Variants in ADAMTS3 observed in about 807,000 individuals in gnomAD.
ADAMTS3 encodes ADAM metallopeptidase with thrombospondin type 1 motif 3.
A neutral mutation model predicts 129.0 loss-of-function variants in ADAMTS3; 73 were observed. The ratio of observed to expected loss-of-function variants is 0.57; its 90% confidence interval spans 0.47 to 0.69. The LOEUF is 0.69. Among genes scored for constraint, ADAMTS3 ranks in the 30% least tolerant of loss-of-function variants. ADAMTS3 has a pLI of 0.00. For missense variants in ADAMTS3, 1,457 were observed against 1,514.5 expected (o/e 0.96, Z 0.63); for synonymous variants, 477 against 510.8 (o/e 0.93, Z 0.89).
chr4:72,546,050 T>G lies in ADAMTS3; in HGVS notation c.504+2428A>C, dbSNP rs1578783276. Among the ~76,000 whole-genome samples the G allele has an allele frequency of 2.0e-5, 3 of 152,310 alleles. 1 individual carries two copies. In the East Asian group the frequency reaches 5.8e-4, roughly 29 times the overall value. On this transcript the variant is annotated intron_variant, in intron 3 of 21. Coordinates refer to ENST00000286657, the MANE Select transcript of ADAMTS3 (RefSeq NM_014243.3). ...CTAAAATAGGCATGGCAAGAATATG[T>G]TTTTGAAGGGATCAAATCACAGAGC...
intron 3 of ADAMTS3, among the ~76,000 whole-genome samples, chr4:72,528,193 C>G (rs1720863807): frequency 6.7e-6 from 1 of 149,650 alleles, no homozygotes; most frequent in Non-Finnish European, 1.5e-5. Flanking sequence ...TTTATGATCT[C>G]TCTTTTTTTA....
chr4:72,295,546 AT>A (rs1482258907), intron 19 of ADAMTS3, 107 bp downstream of exon 19: 8 of 1,153,014 alleles, frequency 6.9e-6, no homozygotes, highest in African/African-American at 1.5e-5. Flanking sequence ...TATTTAAACC[AT>A]GTCTATATAG....
chr4:72,456,438 A>C (rs1718622277), intron 3 of ADAMTS3, among the ~76,000 whole-genome samples: 1 of 143,608 alleles, frequency 7.0e-6, no homozygotes, highest in Non-Finnish European at 1.5e-5. Flanking sequence ...ATATAGTTCT[A>C]TTCACTTCTC....
chr4:72,409,536 C>T (rs965757098), intron 4 of ADAMTS3, among the ~76,000 whole-genome samples: 5 of 149,874 alleles, frequency 3.3e-5, no homozygotes, highest in African/African-American at 9.8e-5. Flanking sequence ...ACACATTTTG[C>T]GTCTTTTCAT....
intron 4 of ADAMTS3, among the ~76,000 whole-genome samples, chr4:72,413,238 C>T (rs1050766179): frequency 1.3e-5 from 2 of 151,942 alleles, no homozygotes; most frequent in Non-Finnish European, 2.9e-5. Context: ...AGGACAGACA[C>T]AGTAACTGAT....
At chr4:72,460,413 G>A (rs1718734907) in intron 3 of ADAMTS3, among the ~76,000 whole-genome samples, 1 of 151,184 alleles carries the variant, frequency 6.6e-6, no homozygotes, top group Non-Finnish European at 1.5e-5. Context: ...AAAATAAAAG[G>A]GCTTCGGGAA....
intron 3 of ADAMTS3, among the ~76,000 whole-genome samples, chr4:72,514,012 T>C (rs1003584094): frequency 1.3e-5 from 2 of 152,172 alleles, no homozygotes; most frequent in African/African-American, 4.8e-5. Context: ...CTTCCTTGAC[T>C]TCTAAGATGA....
At chr4:72,503,118 G>A (rs1169974947) in intron 3 of ADAMTS3, among the ~76,000 whole-genome samples, 1 of 152,028 alleles carries the variant, frequency 6.6e-6, no homozygotes, top group Non-Finnish European at 1.5e-5. Context: ...TTCCCTCCCA[G>A]GTTCAAGCGA....
At chr4:72,419,900 ATGT>A (rs1722401103) in intron 3 of ADAMTS3, among the ~76,000 whole-genome samples, 1 of 152,170 alleles carries the variant, frequency 6.6e-6, no homozygotes, top group African/African-American at 2.4e-5. Flanking sequence ...ATAAAAAAGA[ATGT>A]TGATCGGATG....
chr4:72,326,096 G>A (rs1240106824), intron 5 of ADAMTS3, among the ~76,000 whole-genome samples: 2 of 152,058 alleles, frequency 1.3e-5, no homozygotes, highest in Admixed American at 1.3e-4. Context: ...TTAGAAAACA[G>A]GGTGACCCAG....
intron 19 of ADAMTS3, among the ~76,000 whole-genome samples, chr4:72,294,661 C>T (rs934191168): frequency 1.3e-5 from 2 of 151,988 alleles, no homozygotes; most frequent in South Asian, 4.1e-4. Flanking sequence ...ACTGGGATTT[C>T]AGGACACTAG....
At chr4:72,394,948 G>A (rs1047704085) in intron 4 of ADAMTS3, among the ~76,000 whole-genome samples, 1 of 148,694 alleles carries the variant, frequency 6.7e-6, no homozygotes, top group African/African-American at 2.5e-5. Flanking sequence ...TTTTGGAGAT[G>A]GAGTTTCACT....
At chr4:72,313,223 T>C (rs1342421200) in intron 12 of ADAMTS3, among the ~76,000 whole-genome samples, 3 of 152,196 alleles carry the variant, frequency 2.0e-5, no homozygotes, top group Non-Finnish European at 2.9e-5. Context: ...AATAGATAAC[T>C]TTCCCCCAAC....
intron 4 of ADAMTS3, among the ~76,000 whole-genome samples, chr4:72,383,932 A>G (rs933249738): frequency 1.4e-4 from 22 of 152,228 alleles, no homozygotes; most frequent in African/African-American, 4.8e-4. Flanking sequence ...AAATATACTT[A>G]TAACGAATGA....
In ADAMTS3 at chr4:72,529,595, T is replaced by C. The variant is rs572608265; in HGVS notation, c.504+18883A>G. ...TATATACACATATATCAAGATGCTGTACAGGTTTGCAGCCTGGCAGCAATA... is the reference window on the plus strand; with the variant it reads ...TATATACACATATATCAAGATGCTGCACAGGTTTGCAGCCTGGCAGCAATA... On this transcript the variant is annotated intron_variant, in intron 3 of 21. Transcript: ENST00000286657. 4.9e-5 allele frequency among the ~76,000 whole-genome samples: 7 copies of C among 143,068 alleles called. No individual in the cohort carries two copies. In the South Asian group the frequency reaches 8.4e-4, roughly 17 times the overall value. The allele number at this position is 143,068 out of a possible 152,430, so 93.9% of individuals were successfully genotyped here.
intron 3 of ADAMTS3, among the ~76,000 whole-genome samples, chr4:72,544,030 C>G (rs1303173947): frequency 6.6e-6 from 1 of 152,086 alleles, no homozygotes; most frequent in African/African-American, 2.4e-5. Flanking sequence ...TTATATATTA[C>G]TGTTTCTTCA....
At chr4:72,392,810 T>C (rs1454686453) in intron 4 of ADAMTS3, among the ~76,000 whole-genome samples, 1 of 152,130 alleles carries the variant, frequency 6.6e-6, no homozygotes, top group East Asian at 1.9e-4. Context: ...TCAAAGATAA[T>C]TGGAAATAGC....
Position 72,559,842 on chromosome 4 carries a change from AT to A in ADAMTS3, c.97+7531del, listed in dbSNP as rs536525405. On this transcript the variant is annotated intron_variant, in intron 2 of 21. Transcript: ENST00000286657. The stretch of plus-strand genomic sequence containing the variant: ...TTATTCACAGAATTTTTAAAAAACT[AT>A]TTTAAAATTCATATGGAACCAAAAA... 2.0e-4 allele frequency among the ~76,000 whole-genome samples: 30 copies of A among 151,904 alleles called. 2 individuals are homozygous for A. Among genetic ancestry groups the A allele is most frequent in the African/African-American group, 7.3e-4 (30 of 41,162 alleles).
chr4:72,455,863 A>G lies in ADAMTS3; in HGVS notation c.505-40892T>C, dbSNP rs544854586. Among the ~76,000 whole-genome samples the G allele has an allele frequency of 1.6e-4, 20 of 125,244 alleles. No homozygotes were observed. In the East Asian group the frequency reaches 2.9e-3, roughly 18 times the overall value. The allele number at this position is 125,244 out of a possible 152,430, so 82.2% of individuals were successfully genotyped here. ...ATATACTATATATTTTATATATAGTATATACACTGTATATACTATATATAT... is the reference window on the plus strand; with the variant it reads ...ATATACTATATATTTTATATATAGTGTATACACTGTATATACTATATATAT... On this transcript the variant is annotated intron_variant, in intron 3 of 21. Transcript: ENST00000286657.
Sources: gnomAD v4.1 joint callset for allele counts (sites outside exome capture counted in the v4.1 genomes callset) on GRCh38, gnomAD v4.1.1 for gene constraint, MANE v1.5 for transcripts, NCBI Gene and HGNC (gene_info 2026-07-23, HGNC 2026-07-21) for gene names.